NCOR2: variants seen among roughly 807,000 people sequenced by gnomAD.
NCOR2 encodes nuclear receptor corepressor 2, also known as CTG repeat protein 26.
In NCOR2, 81 loss-of-function variants were observed where a neutral mutation model predicts 262.9. The ratio of observed to expected loss-of-function variants is 0.31; its 90% CI spans 0.26 to 0.37. The LOEUF (loss-of-function observed/expected upper bound fraction) is 0.37, where lower values mean the gene tolerates loss of function less well. NCOR2 is among the 10% of genes least tolerant of loss of function. The pLI is 1.00. For synonymous variants in NCOR2, 1,659 were observed against 1,559.3 expected, an observed-to-expected ratio of 1.06 and a Z score of -1.51; for missense variants, 3,385 against 3,621.4, an observed-to-expected ratio of 0.93 and a Z score of 1.68.
At chr12:124,428,139 T>G (rs947157250) in intron 10 of NCOR2, among the ~76,000 whole-genome samples, 1 of 145,312 alleles carries the variant, frequency 6.9e-6, no homozygotes, top group African/African-American at 2.5e-5. Context: ...AGGTGAGGAA[T>G]GCAGAGGAGA....
intron 28 of NCOR2, 59 bp downstream of exon 30, chr12:124,350,528 T>A: frequency 6.4e-7 from 1 of 1,568,968 alleles, no homozygotes. Flanking sequence ...TGAAGCTACC[T>A]CAGTGGGCCA....
At chr12:124,450,551 G>A (rs570660358) in intron 6 of NCOR2, among the ~76,000 whole-genome samples, 16 of 152,270 alleles carry the variant, frequency 1.1e-4, no homozygotes, top group Non-Finnish European at 1.5e-4. Flanking sequence ...CAAGCTAGCC[G>A]TCCACCACCA....
At chr12:124,511,772 C>A (rs1300407834) in intron 1 of NCOR2, among the ~76,000 whole-genome samples, 1 of 152,200 alleles carries the variant, frequency 6.6e-6, no homozygotes, top group Non-Finnish European at 1.5e-5. Context: ...TTGTCCTGCA[C>A]CCTCAGGCTT....
At chr12:124,509,352 G>A (rs1017685595) in intron 1 of NCOR2, among the ~76,000 whole-genome samples, 1 of 151,812 alleles carries the variant, frequency 6.6e-6, no homozygotes, top group African/African-American at 2.4e-5. Flanking sequence ...CTACTGAACT[G>A]CAATTATTAG....
intron 7 of NCOR2, among the ~76,000 whole-genome samples, chr12:124,445,236 C>T (rs907248988): frequency 1.3e-5 from 2 of 152,212 alleles, no homozygotes; most frequent in Admixed American, 6.5e-5. Flanking sequence ...CCACATCCCA[C>T]GCGGGCTCCA....
At chr12:124,335,567 G>A (rs1370268878) in exon 39 of NCOR2, 1 of 1,609,574 alleles carries the variant, frequency 6.2e-7, no homozygotes, top group South Asian at 1.1e-5. Flanking sequence ...TCGTGGGTCA[G>A]ACTGGGTGAG....
At chr12:124,451,760 A>G (rs1364132108) in intron 6 of NCOR2, among the ~76,000 whole-genome samples, 1 of 152,182 alleles carries the variant, frequency 6.6e-6, no homozygotes, top group African/African-American at 2.4e-5. Context: ...CTGCAGCGAC[A>G]GAAGGGACAC....
chr12:124,339,700 C>T (rs2036258339), intron 37 of NCOR2, among the ~76,000 whole-genome samples: 1 of 90,436 alleles, frequency 1.1e-5, no homozygotes, highest in South Asian at 3.0e-4. Context: ...ATCATCCACC[C>T]ATCCAACCAG....
chr12:124,433,254 A>C (rs1034439121), intron 8 of NCOR2, among the ~76,000 whole-genome samples: 3 of 152,214 alleles, frequency 2.0e-5, no homozygotes, highest in Non-Finnish European at 4.4e-5. Context: ...TGCTCGGGGC[A>C]GTGGCTGCTG....
intron 41 of NCOR2, 115 bp downstream of exon 43, chr12:124,334,309 A>G (rs1429868718): frequency 2.9e-6 from 2 of 689,910 alleles, no homozygotes; most frequent in Non-Finnish European, 4.7e-6. Context: ...TTGCCTGTGC[A>G]ATGGCACCAG....
At position 124,377,142 on chromosome 12, in the gene NCOR2, G is replaced by A. The variant is rs184353752; in HGVS notation, c.2167+1095C>T. 1.0e-3 allele frequency among the ~76,000 whole-genome samples: 157 copies of A among 152,344 alleles called. 1 individual carries two copies. The highest frequency in any genetic ancestry group is 3.7e-3 in the African/African-American group (154 of 41,578). On this transcript the variant is annotated intron_variant, in intron 18 of 46. Coordinates refer to ENST00000405201, the Ensembl canonical transcript of NCOR2. The stretch of plus-strand genomic sequence containing the variant: ...TACACACTGATAACAAAGTTGAGCC[G>A]TGTGTTATCCGGAGCCCTGGACAAC...
intron 12 of NCOR2, among the ~76,000 whole-genome samples, chr12:124,420,734 G>A (rs953906434): frequency 1.3e-5 from 2 of 152,166 alleles, no homozygotes; most frequent in Admixed American, 6.5e-5. Flanking sequence ...CCCCACTTGC[G>A]GGCATGGAGC....
At chr12:124,416,165 C>T (rs1343359822) in intron 13 of NCOR2, among the ~76,000 whole-genome samples, 3 of 152,212 alleles carry the variant, frequency 2.0e-5, no homozygotes, top group Middle Eastern at 3.4e-3. Context: ...ACTCCCTCCC[C>T]AGACACGAAG....
intron 3 of NCOR2, among the ~76,000 whole-genome samples, chr12:124,480,201 A>G (rs1028679501): frequency 6.6e-6 from 1 of 151,930 alleles, no homozygotes; most frequent in South Asian, 2.1e-4. Context: ...CCCACCGCCC[A>G]CCCCTACTCC....
intron 27 of NCOR2, among the ~76,000 whole-genome samples, chr12:124,352,406 C>T (rs923985955): frequency 6.8e-6 from 1 of 147,624 alleles, no homozygotes. Context: ...AGGGGTCTTG[C>T]TGTATTGCCC....
intron 2 of NCOR2, among the ~76,000 whole-genome samples, chr12:124,485,570 C>T (rs1000124513): frequency 3.3e-5 from 5 of 152,224 alleles, no homozygotes; most frequent in Admixed American, 6.5e-5. Flanking sequence ...CACGTTGCGA[C>T]GGCAGGCCCA....
At chr12:124,364,378 G>A (rs1431110711) in intron 20 of NCOR2, among the ~76,000 whole-genome samples, 2 of 152,186 alleles carry the variant, frequency 1.3e-5, no homozygotes, top group African/African-American at 2.4e-5. Context: ...GGCAGGAGTG[G>A]GGGAGCTGCA....
At chr12:124,448,514 G>A (rs1448641007) in intron 7 of NCOR2, among the ~76,000 whole-genome samples, 1 of 152,176 alleles carries the variant, frequency 6.6e-6, no homozygotes, top group Non-Finnish European at 1.5e-5. Flanking sequence ...TGCAGCCCCT[G>A]CTGGCCACTG....
chr12:124,462,300 A>G lies in NCOR2; in HGVS notation c.705+3873T>C, dbSNP rs536350484. 2.5e-3 allele frequency among the ~76,000 whole-genome samples: 378 copies of G among 152,178 alleles called. 1 individual carries two copies. Among genetic ancestry groups the G allele is most frequent in the African/African-American group, 8.7e-3 (363 of 41,516 alleles). On this transcript the variant is annotated intron_variant, in intron 5 of 46. Transcript: ENST00000405201. ...CCCATCCTAGCCCCTTCTCTGCCAC[A>G]CTGGCTTCCTCATCTGCAGATTGGG...
Sources: allele counts gnomAD v4.1 joint callset (sites outside exome capture counted in the v4.1 genomes callset), GRCh38; gene constraint gnomAD v4.1.1; transcripts MANE v1.5; gene names NCBI Gene and HGNC (gene_info 2026-07-23, HGNC 2026-07-21).